FRYL: variants seen among roughly 807,000 people sequenced by gnomAD.
FRYL encodes protein furry homolog-like.
In FRYL, 150 loss-of-function variants were observed where a neutral mutation model predicts 351.2. The observed-to-expected ratio is 0.43, with a 90% CI of 0.37 to 0.49. The LOEUF (loss-of-function observed/expected upper bound fraction) is 0.49. Among genes scored for constraint, FRYL ranks in the 20% least tolerant of loss-of-function variants. The pLI is 0.00. For missense variants in FRYL, 3,036 were observed against 3,619.3 expected (o/e 0.84, Z 4.13); for synonymous variants, 1,153 against 1,257.1 (o/e 0.92, Z 1.75).
At chr4:48,524,541 T>C (rs1725587909) in intron 53 of FRYL, among the ~76,000 whole-genome samples, 1 of 152,226 alleles carries the variant, frequency 6.6e-6, no homozygotes, top group Non-Finnish European at 1.5e-5. Context: ...GTTTGTTTTG[T>C]AGCAATCAAA....
intron 4 of FRYL, among the ~76,000 whole-genome samples, chr4:48,626,930 A>C (rs893577225): frequency 2.6e-5 from 4 of 152,128 alleles, no homozygotes; most frequent in African/African-American, 9.7e-5. Flanking sequence ...CTTTCTTAAT[A>C]AGGTGAGATT....
intron 25 of FRYL, among the ~76,000 whole-genome samples, chr4:48,573,708 C>A (rs1022421487): frequency 2.6e-4 from 39 of 151,932 alleles, no homozygotes; most frequent in African/African-American, 9.4e-4. Flanking sequence ...CACCACTATG[C>A]CTGGCTAATT....
At chr4:48,699,839 T>A (rs1766553689) in intron 2 of FRYL, among the ~76,000 whole-genome samples, 1 of 152,212 alleles carries the variant, frequency 6.6e-6, no homozygotes, top group Non-Finnish European at 1.5e-5. Flanking sequence ...ATCTTTTGAA[T>A]ATTGTCTACA....
chr4:48,730,525 C>G (rs779983608), intron 1 of FRYL, among the ~76,000 whole-genome samples: 7 of 152,206 alleles, frequency 4.6e-5, no homozygotes, highest in Non-Finnish European at 7.3e-5. Flanking sequence ...ATCAGAATAA[C>G]AGCGGATCTC....
At position 48,539,665 on chromosome 4, in the gene FRYL, T is replaced by C. The variant is rs1374893775; in HGVS notation, c.6393+306A>G. Among the ~76,000 whole-genome samples, 6 of 152,128 alleles carry C rather than the reference T, an allele frequency of 3.9e-5. No homozygotes were observed. In the East Asian group the frequency reaches 9.6e-4, roughly 24 times the overall value. ...ATCTAACCCAGTGCTCAGTAAATAT[T>C]TGGTAGTAAATAAACGAATGAATGA... On this transcript the variant is annotated intron_variant, in intron 47 of 63. Transcript: ENST00000358350.
At chr4:48,623,029 A>T in intron 5 of FRYL, 97 bp downstream of exon 5, 1 of 723,236 alleles carries the variant, frequency 1.4e-6, no homozygotes, top group Non-Finnish European at 2.3e-6. Flanking sequence ...GATATATAGA[A>T]ATTAAGGAAT....
At position 48,531,250 on chromosome 4, in the gene FRYL, G is replaced by C. The variant is rs762175142; in HGVS notation, c.6809C>G (p.Thr2270Arg). The C allele has an allele frequency of 1.9e-6, 3 of 1,611,444 alleles. No homozygotes were observed. In the South Asian group the frequency reaches 3.3e-5, roughly 18 times the overall value. ...AGTGAAGGATATTTCAGGAGAACCT[G>C]TATCTCCTCCATAGGTCTTGGGGAT... ...SDIPKTYGGD[T>R]GSPEISFTKI... is the part of the protein sequence containing the mutation. Residue 2270 changes from threonine to arginine, a missense_variant, in exon 50 of 64, where the codon ACA (threonine) becomes AGA (arginine). By Grantham distance (71) the Thr-to-Arg change is moderately conservative. This residue lies in a region of FRYL where 1,987 missense variants were observed against 2,311.7 expected (regional missense o/e 0.86). Coordinates refer to ENST00000358350, the MANE Select transcript of FRYL (RefSeq NM_015030.2).
Position 48,592,082 on chromosome 4 carries a change from T to TTATATATATATATATA in FRYL, c.1336-1268_1336-1253dup, listed in dbSNP as rs56320005. ...GGAATACGGGAAGAAAATAAAGCTC[T>TTATATATATATATATA]TATATATATATATATATATATATAT... On this transcript the variant is annotated intron_variant, in intron 16 of 63. Transcript: ENST00000358350. Among the ~76,000 whole-genome samples, 1,040 of 115,634 alleles carry TTATATATATATATATA rather than the reference T, an allele frequency of 9.0e-3. 18 individuals carry two copies. The highest frequency in any genetic ancestry group is 0.012 in the African/African-American group (263 of 22,100). 75.9% of individuals were successfully genotyped at this position (115,634 alleles called of 152,430 possible). A position where few individuals can be genotyped will look rare whatever the true frequency, so the allele number is the denominator to read the frequency against.
intron 37 of FRYL, 90 bp from the exon 38 acceptor site, chr4:48,550,794 A>T: frequency 1.0e-6 from 1 of 982,578 alleles, no homozygotes. Flanking sequence ...AAAAAGGAGG[A>T]CGGACGCCAT....
chr4:48,596,046 C>T, intron 13 of FRYL, 46 bp from the exon 14 acceptor site: 1 of 1,194,044 alleles, frequency 8.4e-7, no homozygotes, highest in Non-Finnish European at 1.2e-6. Flanking sequence ...TACTTGCAAT[C>T]ACTTAACAGC....
intron 3 of FRYL, among the ~76,000 whole-genome samples, chr4:48,678,507 CAAAA>C (rs10639089): frequency 5.6e-5 from 4 of 71,768 alleles, no homozygotes; most frequent in African/African-American, 6.0e-5. Context: ...AACTCCATCT[CAAAA>C]AAAAAAAAAA....
intron 1 of FRYL, among the ~76,000 whole-genome samples, chr4:48,747,071 C>G (rs1331808384): frequency 2.6e-5 from 4 of 152,112 alleles, no homozygotes; most frequent in African/African-American, 7.2e-5. Flanking sequence ...GAGCAAAACC[C>G]TTCCCTGATC....
At chr4:48,501,354 C>T (rs1317125443) in intron 62 of FRYL, among the ~76,000 whole-genome samples, 1 of 152,094 alleles carries the variant, frequency 6.6e-6, no homozygotes, top group East Asian at 1.9e-4. Flanking sequence ...CCATCCCTGG[C>T]TTTTACTTGA....
At chr4:48,521,354 G>A in intron 54 of FRYL, 139 bp from the exon 55 acceptor site, 1 of 629,720 alleles carries the variant, frequency 1.6e-6, no homozygotes, top group East Asian at 2.8e-5. Flanking sequence ...TTTCCTTCCA[G>A]TCTACACCAG....
At chr4:48,589,433 T>G (rs1245482092) in intron 18 of FRYL, among the ~76,000 whole-genome samples, 1 of 151,378 alleles carries the variant, frequency 6.6e-6, no homozygotes, top group Non-Finnish European at 1.5e-5. Flanking sequence ...TTATTTGACA[T>G]AATAAACCAA....
At chr4:48,540,197 T>C in intron 46 of FRYL, 129 bp from the exon 47 acceptor site, 1 of 1,164,008 alleles carries the variant, frequency 8.6e-7, no homozygotes. Context: ...GATCTTCTAA[T>C]TCTTTTTTGG....
At chr4:48,656,553 TA>T (rs1759220491) in intron 3 of FRYL, among the ~76,000 whole-genome samples, 17 of 123,868 alleles carry the variant, frequency 1.4e-4, no homozygotes, top group Admixed American at 5.4e-4. Flanking sequence ...ATAATGTATA[TA>T]GTAATGTATA....
At chr4:48,563,728 T>C (rs1008897312) in intron 31 of FRYL, among the ~76,000 whole-genome samples, 1 of 148,246 alleles carries the variant, frequency 6.7e-6, no homozygotes, top group Non-Finnish European at 1.5e-5. Context: ...AAAAGGAGTA[T>C]ACGGGAGGAT....
chr4:48,724,874 T>C (rs1453108085), intron 1 of FRYL, among the ~76,000 whole-genome samples: 1 of 152,258 alleles, frequency 6.6e-6, no homozygotes, highest in Non-Finnish European at 1.5e-5. Flanking sequence ...ATATCTTATT[T>C]TACATCCATG....
Sources: gnomAD v4.1 joint callset for allele counts (sites outside exome capture counted in the v4.1 genomes callset) on GRCh38, gnomAD v4.1.1 for gene constraint, gnomAD v4.1.1 regional missense constraint, MANE v1.5 for transcripts, NCBI Gene and HGNC (gene_info 2026-07-23, HGNC 2026-07-21) for gene names.